Variants in PTPRG observed in about 807,000 individuals in gnomAD.
The protein encoded by PTPRG is protein tyrosine phosphatase receptor type G.
PTPRG carries 102 observed loss-of-function variants against 165.3 expected under a neutral mutation model. The ratio of observed to expected loss-of-function variants is 0.62; its 90% CI spans 0.53 to 0.73. The LOEUF is 0.73. Ranked by LOEUF, PTPRG falls within the 30% of genes least tolerant of loss-of-function variation. The pLI is 0.00. For synonymous variants in PTPRG, 675 were observed against 669.5 expected, an observed-to-expected ratio of 1.01 and a Z score of -0.13; for missense variants, 1,866 against 1,861.4, an observed-to-expected ratio of 1.00 and a Z score of -0.05.
chr3:62,268,821 C>T (rs1291962878), intron 19 of PTPRG, among the ~76,000 whole-genome samples: 1 of 152,128 alleles, frequency 6.6e-6, no homozygotes, highest in Non-Finnish European at 1.5e-5. Context: ...AAATACTAGG[C>T]CCATTTCTCA....
At chr3:61,820,451 G>C (rs2035917019) in intron 2 of PTPRG, among the ~76,000 whole-genome samples, 1 of 152,076 alleles carries the variant, frequency 6.6e-6, no homozygotes, top group South Asian at 2.1e-4. Flanking sequence ...GCTTTAAACA[G>C]TCTATTGAAT....
At chr3:62,173,277 G>T (rs1383825934) in intron 8 of PTPRG, among the ~76,000 whole-genome samples, 2 of 151,128 alleles carry the variant, frequency 1.3e-5, no homozygotes, top group Non-Finnish European at 2.9e-5. Flanking sequence ...AATATTTTTG[G>T]TCTGTGGTTG....
chr3:61,983,913 A>T (rs976214057), intron 2 of PTPRG, among the ~76,000 whole-genome samples: 1 of 152,148 alleles, frequency 6.6e-6, no homozygotes, highest in Non-Finnish European at 1.5e-5. Flanking sequence ...TATTTGTTTG[A>T]ATAGAATTAA....
At chr3:61,605,557 A>AT (rs1161399185) in intron 1 of PTPRG, among the ~76,000 whole-genome samples, 3 of 82,550 alleles carry the variant, frequency 3.6e-5, no homozygotes, top group Admixed American at 1.5e-4. Flanking sequence ...CACCAAGCCA[A>AT]TTTTTTTATT....
At chr3:61,613,528 T>C (rs541410253) in intron 1 of PTPRG, among the ~76,000 whole-genome samples, 2 of 152,334 alleles carry the variant, frequency 1.3e-5, no homozygotes, top group East Asian at 1.9e-4. Flanking sequence ...GGTTAAATTA[T>C]CTATTTAAAA....
chr3:62,239,360 CTTTTT>C (rs776921598), intron 14 of PTPRG, among the ~76,000 whole-genome samples: 1 of 124,534 alleles, frequency 8.0e-6, no homozygotes, highest in Non-Finnish European at 1.7e-5. Flanking sequence ...TTTTTTCTTT[CTTTTT>C]TTTTTTTTTT....
chr3:61,626,032 G>A (rs1297360344), intron 1 of PTPRG, among the ~76,000 whole-genome samples: 1 of 42,486 alleles, frequency 2.4e-5, no homozygotes, highest in Non-Finnish European at 4.4e-5. Context: ...TTGGGGGGGC[G>A]GGAGAGATCA....
rs184115070 is a variant in PTPRG at position 62,255,071 on chromosome 3, T to C, written c.2468-53T>C. On this transcript the variant is annotated intron_variant, in intron 15 of 29. Transcript: ENST00000474889. This position sits in a 1 kb window ranked among gnomAD's most constrained non-coding sequence, Gnocchi z 4.0. ...GGATGCTTTGCTTTATCAGTGTAAT[T>C]TGTTTTATGGAAGTATTCTATGTAA... 5.0e-4 allele frequency: 744 copies of C among 1,473,290 alleles called. 4 individuals are homozygous for C. The African/African-American group carries it at 9.3e-3, about 18-fold the overall frequency. 91.3% of individuals were successfully genotyped at this position (1,473,290 alleles called of 1,614,324 possible).
intron 1 of PTPRG, among the ~76,000 whole-genome samples, chr3:61,633,559 C>G (rs994372844): frequency 9.2e-5 from 14 of 152,198 alleles, no homozygotes; most frequent in African/African-American, 3.1e-4. Context: ...TTGATGAACT[C>G]GTTTATGATC....
chr3:61,963,289 A>G (rs191064665), intron 2 of PTPRG, among the ~76,000 whole-genome samples: 43 of 152,254 alleles, frequency 2.8e-4, no homozygotes, highest in Middle Eastern at 3.4e-3. Context: ...AAAGTCATCT[A>G]TGACCCCCAA....
At chr3:62,047,144 T>C (rs1700319698) in intron 4 of PTPRG, among the ~76,000 whole-genome samples, 1 of 152,234 alleles carries the variant, frequency 6.6e-6, no homozygotes. Context: ...CTGTGTGATA[T>C]AACCCCATTT....
chr3:61,866,406 C>G (rs1221578466), intron 2 of PTPRG, among the ~76,000 whole-genome samples: 1 of 151,900 alleles, frequency 6.6e-6, no homozygotes, highest in East Asian at 1.9e-4. Context: ...AACTTCTGAC[C>G]CCACTGTGCA....
chr3:62,051,562 GC>G (rs1700469968), intron 4 of PTPRG, among the ~76,000 whole-genome samples: 1 of 152,080 alleles, frequency 6.6e-6, no homozygotes, highest in African/African-American at 2.4e-5. Flanking sequence ...AGATTCCAGG[GC>G]CCCCCTTGAG....
intron 1 of PTPRG, among the ~76,000 whole-genome samples, chr3:61,588,460 C>CTCTTGA (rs1553638674): frequency 1.4e-5 from 2 of 147,708 alleles, no homozygotes; most frequent in Non-Finnish European, 2.9e-5. Context: ...CAACCTCCAC[C>CTCTTGA]TCTTGAGTTC....
intron 1 of PTPRG, among the ~76,000 whole-genome samples, chr3:61,589,703 A>G (rs538381735): frequency 6.6e-6 from 1 of 152,200 alleles, no homozygotes; most frequent in East Asian, 1.9e-4. Context: ...CCGTTGCTGT[A>G]TGCTTAGCAC....
At chr3:61,574,382 A>G (rs1700130082) in intron 1 of PTPRG, among the ~76,000 whole-genome samples, 1 of 152,174 alleles carries the variant, frequency 6.6e-6, no homozygotes, top group Admixed American at 6.5e-5. Context: ...GGTGATTCTA[A>G]TGTGCACAGG....
At chr3:61,573,058 C>T (rs1700094728) in intron 1 of PTPRG, among the ~76,000 whole-genome samples, 1 of 152,252 alleles carries the variant, frequency 6.6e-6, no homozygotes, top group Admixed American at 6.5e-5. Flanking sequence ...CCTCTCCTGG[C>T]TGTGTCGTTT....
intron 1 of PTPRG, among the ~76,000 whole-genome samples, chr3:61,569,291 C>T (rs1002890115): frequency 1.3e-5 from 2 of 152,126 alleles, no homozygotes; most frequent in African/African-American, 2.4e-5. Flanking sequence ...CATTGCTAGC[C>T]GTGCTACCTT....
intron 2 of PTPRG, among the ~76,000 whole-genome samples, chr3:61,985,406 T>C (rs1323119202): frequency 6.6e-6 from 1 of 152,222 alleles, no homozygotes; most frequent in African/African-American, 2.4e-5. Context: ...CTTGACAGTC[T>C]GCTATACATT....
Sources: gnomAD v4.1 joint callset for allele counts (sites outside exome capture counted in the v4.1 genomes callset) on GRCh38, gnomAD v4.1.1 for gene constraint, Gnocchi (gnomAD v3.1) non-coding constraint, MANE v1.5 for transcripts, NCBI Gene and HGNC (gene_info 2026-07-23, HGNC 2026-07-21) for gene names.